The following STK33 variants were observed in gnomAD, a reference collection of about 807,000 sequenced individuals.
STK33 encodes serine/threonine-protein kinase 33.
STK33 carries 52 observed loss-of-function variants against 58.0 expected under a neutral mutation model. The observed-to-expected ratio is 0.90, with a 90% CI of 0.72 to 1.13. The LOEUF (loss-of-function observed/expected upper bound fraction) is 1.13. STK33 is among the 50% of genes most tolerant of loss of function. The pLI is 0.00. For missense variants in STK33, 630 were observed against 604.2 expected (o/e 1.04, Z -0.45); for synonymous variants, 215 against 200.1 (o/e 1.07, Z -0.63).
chr11:8,421,628 T>C (rs1280761964), intron 14 of STK33, among the ~76,000 whole-genome samples: 5 of 152,210 alleles, frequency 3.3e-5, no homozygotes, highest in Admixed American at 1.3e-4. Flanking sequence ...TTGTGAAATT[T>C]TGATTGTATT....
chr11:8,507,775 C>T (rs1303655917), intron 1 of STK33, among the ~76,000 whole-genome samples: 1 of 152,146 alleles, frequency 6.6e-6, no homozygotes, highest in African/African-American at 2.4e-5. Context: ...TTAATGAGCA[C>T]CTATAATACG....
the STK33 span, among the ~76,000 whole-genome samples, chr11:8,335,579 A>G: frequency 6.6e-6 from 1 of 152,210 alleles, no homozygotes; most frequent in African/African-American, 2.4e-5. Context: ...CTCATAACAT[A>G]GACGCCTCAA....
chr11:8,561,036 T>C (rs1270945968), intron 1 of STK33, among the ~76,000 whole-genome samples: 1 of 152,200 alleles, frequency 6.6e-6, no homozygotes, highest in Non-Finnish European at 1.5e-5. Flanking sequence ...AAATCCTTTA[T>C]TCAACATTAA....
intron 1 of STK33, among the ~76,000 whole-genome samples, chr11:8,560,038 C>T (rs912410051): frequency 2.0e-5 from 3 of 151,922 alleles, no homozygotes; most frequent in Non-Finnish European, 2.9e-5. Context: ...TTAACAAGTC[C>T]ATATCAATAG....
chr11:8,471,202 T>C (rs1240623252), intron 6 of STK33, among the ~76,000 whole-genome samples: 2 of 152,230 alleles, frequency 1.3e-5, no homozygotes, highest in Non-Finnish European at 2.9e-5. Flanking sequence ...GTTAAACTTT[T>C]ATTTTCTCTC....
the STK33 span, among the ~76,000 whole-genome samples, chr11:8,371,388 A>G: frequency 6.6e-6 from 1 of 152,180 alleles, no homozygotes; most frequent in Non-Finnish European, 1.5e-5. Context: ...AGGAACTGGG[A>G]GAGGCAAGGA....
At chr11:8,518,841 C>T (rs1317642998) in intron 1 of STK33, among the ~76,000 whole-genome samples, 2 of 152,164 alleles carry the variant, frequency 1.3e-5, no homozygotes, top group Non-Finnish European at 2.9e-5. Context: ...ATTCATAAAG[C>T]AAGTCCTTAG....
At chr11:8,515,828 G>A (rs1042152092) in intron 1 of STK33, among the ~76,000 whole-genome samples, 1 of 152,082 alleles carries the variant, frequency 6.6e-6, no homozygotes, top group African/African-American at 2.4e-5. Context: ...ACCAGGAATA[G>A]AAGAAAACAA....
chr11:8,368,150 C>G, the STK33 span, among the ~76,000 whole-genome samples: 1 of 152,164 alleles, frequency 6.6e-6, no homozygotes, highest in Non-Finnish European at 1.5e-5. Flanking sequence ...CTTCAAAAAC[C>G]TCAGTATAGT....
At chr11:8,537,282 G>T (rs1371775647) in intron 1 of STK33, among the ~76,000 whole-genome samples, 1 of 151,644 alleles carries the variant, frequency 6.6e-6, no homozygotes, top group Non-Finnish European at 1.5e-5. Context: ...GCCTGGCAGG[G>T]TCTTGCTATG....
chr11:8,524,832 A>G (rs894838651), intron 1 of STK33, among the ~76,000 whole-genome samples: 5 of 151,736 alleles, frequency 3.3e-5, no homozygotes, highest in African/African-American at 1.2e-4. Context: ...CTTATGTTAA[A>G]TATTTGCATC....
intron 15 of STK33, among the ~76,000 whole-genome samples, chr11:8,394,283 A>G (rs781493638): frequency 6.6e-6 from 1 of 152,218 alleles, no homozygotes; most frequent in Non-Finnish European, 1.5e-5. Flanking sequence ...TGTTTAGTAC[A>G]GTGCTGGTCT....
chr11:8,586,822 TAAAAAAAAAAAAA>T lies in STK33; in HGVS notation c.-466+7248_-466+7260del, dbSNP rs56064924. ...CTGGGTGACAGAGCAAGACTCTGTC[TAAAAAAAAAAAAA>T]AAAAAAAAAAAAAAATTATTAGCTT... On this transcript the variant is annotated intron_variant, in intron 1 of 15. Coordinates refer to ENST00000687296, the MANE Select transcript of STK33 (RefSeq NM_001352389.2). Among the ~76,000 whole-genome samples the T allele has an allele frequency of 1.7e-3, 132 of 78,236 alleles. 1 individual carries two copies. Among genetic ancestry groups the T allele is most frequent in the African/African-American group, 6.4e-3 (125 of 19,412 alleles). The allele number at this position is 78,236 out of a possible 152,430, so 51.3% of individuals were successfully genotyped here. A position where few individuals can be genotyped will look rare whatever the true frequency, so the allele number is the denominator to read the frequency against.
chr11:8,397,362 G>A (rs1282641340), intron 15 of STK33, among the ~76,000 whole-genome samples: 1 of 152,230 alleles, frequency 6.6e-6, no homozygotes, highest in Non-Finnish European at 1.5e-5. Flanking sequence ...GGTCTGGAGT[G>A]GACCTCCAGC....
chr11:8,388,105 G>C (rs1848569208), downstream of STK33, among the ~76,000 whole-genome samples: 1 of 152,210 alleles, frequency 6.6e-6, no homozygotes, highest in Admixed American at 6.5e-5. Context: ...GACAGGACCT[G>C]ATGCATGTTT....
chr11:8,436,996 C>T (rs1367504943), intron 12 of STK33, among the ~76,000 whole-genome samples: 3 of 152,192 alleles, frequency 2.0e-5, no homozygotes, highest in Non-Finnish European at 2.9e-5. Context: ...ACGCACCCAG[C>T]CCTAACCCTG....
At chr11:8,409,830 G>A (rs528175409) in intron 15 of STK33, among the ~76,000 whole-genome samples, 3 of 152,034 alleles carry the variant, frequency 2.0e-5, no homozygotes, top group East Asian at 1.9e-4. Context: ...AGAGTGTTAC[G>A]TGCATGATTT....
the STK33 span, among the ~76,000 whole-genome samples, chr11:8,345,823 C>T: frequency 2.0e-5 from 3 of 152,258 alleles, no homozygotes; most frequent in South Asian, 2.1e-4. Flanking sequence ...TGAAAATCAA[C>T]GAGAGAAAGA....
chr11:8,555,423 G>A (rs1338616126), intron 1 of STK33, among the ~76,000 whole-genome samples: 4 of 152,154 alleles, frequency 2.6e-5, no homozygotes, highest in Non-Finnish European at 4.4e-5. Flanking sequence ...TAGCACACTA[G>A]GAGACTGAGG....
Sources: allele counts gnomAD v4.1 joint callset (sites outside exome capture counted in the v4.1 genomes callset), GRCh38; gene constraint gnomAD v4.1.1; transcripts MANE v1.5; gene names NCBI Gene and HGNC (gene_info 2026-07-23, HGNC 2026-07-21).